Variants in PRPH2 observed in about 807,000 individuals in gnomAD.
PRPH2 encodes the protein peripherin-2.
In PRPH2, 17 loss-of-function variants were observed where a neutral mutation model predicts 31.3. The ratio of observed to expected loss-of-function variants is 0.54; its 90% confidence interval spans 0.37 to 0.81. PRPH2 has a LOEUF of 0.81. PRPH2 is among the 40% of genes least tolerant of loss of function. The pLI, the probability that PRPH2 is intolerant of heterozygous loss-of-function variation, is 0.00. For synonymous variants in PRPH2, 165 were observed against 184.4 expected, an observed-to-expected ratio of 0.89 and a Z score of 0.85; for missense variants, 430 against 439.7, an observed-to-expected ratio of 0.98 and a Z score of 0.20.
At chr6:42,708,926 C>T (rs1189465085) in intron 1 of PRPH2, among the ~76,000 whole-genome samples, 3 of 152,176 alleles carry the variant, frequency 2.0e-5, no homozygotes, top group Non-Finnish European at 2.9e-5. Flanking sequence ...AAAATGTTGT[C>T]CCTCCTTCCG....
intron 2 of PRPH2, among the ~76,000 whole-genome samples, chr6:42,702,458 T>C: frequency 6.6e-6 from 1 of 151,468 alleles, no homozygotes; most frequent in African/African-American, 2.4e-5. Context: ...AGTTTGGATT[T>C]TCTGCTCTCA....
chr6:42,698,208 G>A lies in PRPH2; in HGVS notation c.*87C>T, dbSNP rs1401772146. 1.9e-6 allele frequency: 3 copies of A among 1,570,850 alleles called. No individual in the cohort carries two copies. Among genetic ancestry groups the A allele is most frequent in the East Asian group, 2.2e-5 (1 of 44,580 alleles). ...GATGGTGCCCTCCTTGGGAGATTCA[G>A]ACTTTCGGAGTTGGATGAGGGGGAG... On this transcript the variant is annotated 3_prime_UTR_variant, in exon 3 of 3. Coordinates refer to ENST00000230381, the MANE Select transcript of PRPH2 (RefSeq NM_000322.5).
chr6:42,705,615 T>A lies in PRPH2; in HGVS notation c.582-1004A>T, dbSNP rs1291316171. Among the ~76,000 whole-genome samples, 17 of 121,470 alleles carry A rather than the reference T, an allele frequency of 1.4e-4. 1 individual carries two copies. The highest frequency in any genetic ancestry group is 2.1e-4 in the African/African-American group (7 of 34,076). 79.7% of individuals were successfully genotyped at this position (121,470 alleles called of 152,430 possible). A position where few individuals can be genotyped will look rare whatever the true frequency, so the allele number is the denominator to read the frequency against. On this transcript the variant is annotated intron_variant, in intron 1 of 2. Transcript: ENST00000230381. Reference sequence around the variant, plus strand: ...AAAAAAAAAAATATATATATATATATATATATATATATATATTTGTGCACT... The same window carrying A: ...AAAAAAAAAAATATATATATATATAAATATATATATATATATTTGTGCACT...
intron 1 of PRPH2, among the ~76,000 whole-genome samples, chr6:42,709,110 C>T (rs1289058101): frequency 6.6e-6 from 1 of 152,064 alleles, no homozygotes; most frequent in East Asian, 1.9e-4. Context: ...GTGGGCAGAT[C>T]ATGAGGTCAG....
chr6:42,698,465 C>G lies in PRPH2; in HGVS notation c.871G>C (p.Asp291His). The change falls in exon 3 of 3, where the codon GAT (aspartate) becomes CAT (histidine). Residue 291 changes from aspartate (D) to histidine (H), a missense_variant. Physicochemically the swap from Asp to His is moderately conservative, Grantham distance 81. Transcript: ENST00000230381. ...GATTCCTCGGGGTTGGACACACCAT[C>G]CAGCGACGTCTGTAGGTAGCGCAGC... ...IGLRYLQTSLDGVSNPEESES... is the reference protein window; with the variant it reads ...IGLRYLQTSLHGVSNPEESES... 1 of 1,614,210 alleles carries G rather than the reference C, an allele frequency of 6.2e-7. No homozygotes were observed. Among genetic ancestry groups the G allele is most frequent in the South Asian group, 1.1e-5 (1 of 91,088 alleles).
At chr6:42,709,344 A>AAAAAAC (rs572058789) in intron 1 of PRPH2, among the ~76,000 whole-genome samples, 31,615 of 144,002 alleles carry the variant, frequency 0.22, 4,358 homozygotes, top group East Asian at 0.38. Flanking sequence ...TAAAAAAAAA[A>AAAAAAC]AAAAAAAAAA....
chr6:42,717,987 G>A (rs751012112), intron 1 of PRPH2, among the ~76,000 whole-genome samples: 1 of 152,062 alleles, frequency 6.6e-6, no homozygotes, highest in Non-Finnish European at 1.5e-5. Flanking sequence ...CCAACGTGGT[G>A]AAACCCCGTC....
At chr6:42,714,504 A>G (rs1761735407) in intron 1 of PRPH2, among the ~76,000 whole-genome samples, 1 of 152,136 alleles carries the variant, frequency 6.6e-6, no homozygotes, top group Admixed American at 6.6e-5. Flanking sequence ...AGTGAATTAT[A>G]TCTCAATAAA....
chr6:42,707,870 C>T (rs1378447624), intron 1 of PRPH2, among the ~76,000 whole-genome samples: 3 of 152,176 alleles, frequency 2.0e-5, no homozygotes, highest in East Asian at 3.8e-4. Context: ...CAGCACAGAT[C>T]GGTGACAAGA....
At chr6:42,698,890 C>T (rs1412357660) in intron 2 of PRPH2, among the ~76,000 whole-genome samples, 1 of 152,080 alleles carries the variant, frequency 6.6e-6, no homozygotes, top group Non-Finnish European at 1.5e-5. Flanking sequence ...GCTCATCCTC[C>T]CTCCCCATCC....
chr6:42,711,555 G>C (rs1371227807), intron 1 of PRPH2, among the ~76,000 whole-genome samples: 5 of 94,448 alleles, frequency 5.3e-5, no homozygotes, highest in Non-Finnish European at 1.1e-4. Context: ...AGGGAGCCCC[G>C]GTCTGAGGGG....
chr6:42,697,260 A>G lies in PRPH2; in HGVS notation c.*1035T>C, dbSNP rs1257380610. On this transcript the variant is annotated 3_prime_UTR_variant, in exon 3 of 3. Coordinates refer to ENST00000230381, the MANE Select transcript of PRPH2 (RefSeq NM_000322.5). ...AAAGAATCTCCTTTGATGCAGAAGC[A>G]TTCCAGAAATAGTGTTTTTCAAGAT... 1 of 152,236 alleles carries G rather than the reference A, an allele frequency of 6.6e-6. No individual in the cohort carries two copies. Among genetic ancestry groups the G allele is most frequent in the Non-Finnish European group, 1.5e-5 (1 of 68,050 alleles). 9.4% of individuals were successfully genotyped at this position (152,236 alleles called of 1,614,324 possible).
Position 42,704,618 on chromosome 6 carries a change from G to C in PRPH2, c.582-7C>G, listed in dbSNP as rs1277573282. The C allele has an allele frequency of 1.2e-6, 2 of 1,614,210 alleles. No individual in the cohort carries two copies. Among genetic ancestry groups the C allele is most frequent in the East Asian group, 2.2e-5 (1 of 44,890 alleles). On this transcript the variant is annotated splice_region_variant and splice_polypyrimidine_tract_variant and intron_variant, in intron 1 of 2. Coordinates refer to ENST00000230381, the MANE Select transcript of PRPH2 (RefSeq NM_000322.5). ...CACGTTGCTCTTGATTCGACTTAAA[G>C]GGAAACAGACAGCTGGAGATGGGCT...
intron 1 of PRPH2, among the ~76,000 whole-genome samples, chr6:42,705,599 A>AAATATATATATATATAT (rs1562424252): frequency 3.7e-4 from 8 of 21,550 alleles, no homozygotes; most frequent in Admixed American, 6.4e-4. Context: ...AAAAAAAAAA[A>AAATATATATATATATAT]ATATATATAT....
At chr6:42,709,334 T>TAAAAAAA (rs58632063) in intron 1 of PRPH2, among the ~76,000 whole-genome samples, 31 of 77,038 alleles carry the variant, frequency 4.0e-4, no homozygotes, top group African/African-American at 1.0e-3. Flanking sequence ...TGTCTCAAAT[T>TAAAAAAA]AAAAAAAAAA....
intron 1 of PRPH2, among the ~76,000 whole-genome samples, chr6:42,706,512 C>T (rs1217277140): frequency 2.0e-5 from 3 of 150,040 alleles, no homozygotes; most frequent in East Asian, 3.9e-4. Flanking sequence ...GGCTGAGGCA[C>T]GAGAATCACT....
At chr6:42,710,418 T>G (rs1475817575) in intron 1 of PRPH2, among the ~76,000 whole-genome samples, 8 of 152,202 alleles carry the variant, frequency 5.3e-5, no homozygotes, top group African/African-American at 9.6e-5. Context: ...GTCACCAGCC[T>G]GGGAACTCCT....
intron 2 of PRPH2, among the ~76,000 whole-genome samples, chr6:42,701,682 ATT>A (rs70990127): frequency 1.4e-4 from 11 of 78,514 alleles, no homozygotes; most frequent in East Asian, 4.9e-4. Context: ...ACGTCCAGCA[ATT>A]TTTTTTTTTT....
At chr6:42,704,165 GAATAAATA>G (rs59389246) in intron 2 of PRPH2, among the ~76,000 whole-genome samples, 192 bp downstream of exon 2, 2 of 150,120 alleles carry the variant, frequency 1.3e-5, no homozygotes, top group East Asian at 2.0e-4. Flanking sequence ...AGAAATAAAT[GAATAAATA>G]AATAAATAAA....
Sources: allele counts gnomAD v4.1 joint callset (sites outside exome capture counted in the v4.1 genomes callset), GRCh38; gene constraint gnomAD v4.1.1; transcripts MANE v1.5; gene names NCBI Gene and HGNC (gene_info 2026-07-23, HGNC 2026-07-21).